Variants in SLC3A2 observed in about 807,000 individuals in gnomAD.
SLC3A2 encodes the protein amino acid transporter heavy chain SLC3A2.
SLC3A2 carries 32 observed loss-of-function variants against 48.5 expected under a neutral mutation model. The ratio of observed to expected loss-of-function variants is 0.66; its 90% confidence interval spans 0.50 to 0.89. The LOEUF is 0.89. SLC3A2 is among the 40% of genes least tolerant of loss of function. The pLI is 0.00. For missense variants in SLC3A2, 587 were observed against 680.7 expected (o/e 0.86, Z 1.53); for synonymous variants, 277 against 288.8 (o/e 0.96, Z 0.41).
At chr11:62,858,316 C>T (rs2085360623) in intron 1 of SLC3A2, among the ~76,000 whole-genome samples, 1 of 152,172 alleles carries the variant, frequency 6.6e-6, no homozygotes, top group Non-Finnish European at 1.5e-5. Context: ...ACAGCTCCAG[C>T]TGATTGTTGC....
At chr11:62,882,355 GT>G (rs1027230620) in intron 2 of SLC3A2, 6 of 328,748 alleles carry the variant, frequency 1.8e-5, no homozygotes, top group Admixed American at 1.5e-4. Flanking sequence ...AAAACAGTAG[GT>G]TTTTTTGGGG....
chr11:62,881,164 G>T lies in SLC3A2; in HGVS notation c.141G>T (p.Val47=), dbSNP rs151229224. 3.1e-6 allele frequency: 5 copies of T among 1,599,262 alleles called. No individual in the cohort carries two copies. In the African/African-American group the frequency reaches 6.7e-5, roughly 21 times the overall value. The change falls in exon 1 of 9, where the codon GTG becomes GTT. Residue 47 remains valine (V), a synonymous_variant. Coordinates refer to ENST00000338663, the MANE Select transcript of SLC3A2 (RefSeq NM_001013251.3). The surrounding 1 kb of genome is among the most constrained non-coding windows in gnomAD (Gnocchi z 4.0). The part of the protein sequence containing the change: ...AEKNGLVKIK[V]AEDEAEAAAA... ...AGAATGGTCTGGTGAAGATCAAGGTGGCGGAAGACGAGGCGGAGGCGGCAG... is the reference window on the plus strand; with the variant it reads ...AGAATGGTCTGGTGAAGATCAAGGTTGCGGAAGACGAGGCGGAGGCGGCAG...
chr11:62,881,103 C>T lies in SLC3A2; in HGVS notation c.80C>T (p.Ala27Val), dbSNP rs142207962. ...CCCGAGAAGCAGCCGATGAACGCGG[C>T]GTCTGGGGCGGCCATGTCCCTGGCG... The part of the protein sequence containing the change: ...LEPEKQPMNA[A>V]SGAAMSLAGA... Residue 27 changes from alanine (A) to valine (V), a missense_variant, in exon 1 of 9, where the codon GCG becomes GTG. By Grantham distance (64) the Ala-to-Val change is moderately conservative (BLOSUM62 0). Coordinates refer to ENST00000338663, the MANE Select transcript of SLC3A2 (RefSeq NM_001013251.3). The surrounding 1 kb of genome is among the most constrained non-coding windows in gnomAD (Gnocchi z 4.0). 3 of 1,608,398 alleles carry T rather than the reference C, an allele frequency of 1.9e-6. No individual in the cohort carries two copies. In the African/African-American group the frequency reaches 4.0e-5, roughly 21 times the overall value.
intron 1 of SLC3A2, among the ~76,000 whole-genome samples, chr11:62,868,247 C>G (rs2085473926): frequency 6.6e-6 from 1 of 151,292 alleles, no homozygotes; most frequent in Non-Finnish European, 1.5e-5. Context: ...CAAATTTTTA[C>G]TACTATAACC....
rs566824421 is a variant in SLC3A2 at position 62,875,082 on chromosome 11, A to G, written c.113-5937A>G. ...TGGCCTCATTTTTCAAATGGCTAAA[A>G]TCTTCAAGATTTCTGGCTGATTGGT... On this transcript the variant is annotated intron_variant, in intron 1 of 9. Transcript: ENST00000377889. 2.7e-3 allele frequency among the ~76,000 whole-genome samples: 407 copies of G among 152,240 alleles called. 3 individuals are homozygous for G. Among genetic ancestry groups the G allele is most frequent in the African/African-American group, 8.5e-3 (352 of 41,560 alleles).
At chr11:62,857,543 A>C (rs1324151353) in intron 1 of SLC3A2, among the ~76,000 whole-genome samples, 1 of 152,000 alleles carries the variant, frequency 6.6e-6, no homozygotes, top group African/African-American at 2.4e-5. Context: ...AGAAAAAATT[A>C]GCCAGGAGCG....
chr11:62,862,333 C>CAAAA lies in SLC3A2; in HGVS notation c.112+5973_112+5976dup, dbSNP rs71065311. 2.2e-3 allele frequency among the ~76,000 whole-genome samples: 125 copies of CAAAA among 55,832 alleles called. 7 individuals carry two copies. Among genetic ancestry groups the CAAAA allele is most frequent in the African/African-American group, 7.2e-3 (85 of 11,726 alleles). The allele number at this position is 55,832 out of a possible 152,430, so 36.6% of individuals were successfully genotyped here. On this transcript the variant is annotated intron_variant, in intron 1 of 9. Transcript: ENST00000377889. ...TGGGCGACAGAGTGAGACTCTGTCT[C>CAAAA]AAAAAAAAAAAAAAAAAAAAAAAAG... is the stretch of plus-strand genomic sequence containing the variant.
intron 5 of SLC3A2, among the ~76,000 whole-genome samples, 197 bp downstream of exon 5, chr11:62,884,887 G>A (rs1488070899): frequency 1.6e-5 from 2 of 128,782 alleles, no homozygotes; most frequent in African/African-American, 3.0e-5. Flanking sequence ...GCTGGGGTGC[G>A]ATGGCGTGAT....
chr11:62,863,211 A>AT (rs2085420535), intron 1 of SLC3A2, among the ~76,000 whole-genome samples: 2 of 151,528 alleles, frequency 1.3e-5, no homozygotes, highest in Non-Finnish European at 2.9e-5. Context: ...GTGAGCCACC[A>AT]CTCTGGGCCT....
chr11:62,860,434 C>T (rs189334779), intron 1 of SLC3A2, among the ~76,000 whole-genome samples: 9 of 148,536 alleles, frequency 6.1e-5, no homozygotes, highest in African/African-American at 1.7e-4. Flanking sequence ...GAAACCTGGG[C>T]GACAAGGCGA....
intron 1 of SLC3A2, among the ~76,000 whole-genome samples, chr11:62,856,547 A>G (rs1006943773): frequency 6.6e-6 from 1 of 152,170 alleles, no homozygotes; most frequent in South Asian, 2.1e-4. Context: ...TTGGACTACT[A>G]CGGGCCAACA....
At chr11:62,859,603 G>A (rs1377194627) in intron 1 of SLC3A2, among the ~76,000 whole-genome samples, 5 of 152,186 alleles carry the variant, frequency 3.3e-5, no homozygotes, top group Non-Finnish European at 7.3e-5. Context: ...TGAGGCAGGA[G>A]AAGTGGTTGA....
At chr11:62,885,907 T>C (rs2085707623) in intron 7 of SLC3A2, among the ~76,000 whole-genome samples, 1 of 152,230 alleles carries the variant, frequency 6.6e-6, no homozygotes, top group African/African-American at 2.4e-5. Context: ...TATTCATTCC[T>C]TTATTCTTTG....
At chr11:62,859,651 C>T (rs1215989686) in intron 1 of SLC3A2, among the ~76,000 whole-genome samples, 3 of 152,074 alleles carry the variant, frequency 2.0e-5, no homozygotes, top group Non-Finnish European at 2.9e-5. Context: ...CAAGATCACC[C>T]CACTGCACTC....
chr11:62,883,412 ACT>A (rs1270200187), intron 3 of SLC3A2: 2 of 196,466 alleles, frequency 1.0e-5, no homozygotes, highest in Admixed American at 5.3e-5. Context: ...TGTGTCTGGG[ACT>A]CTATGCCAAG....
chr11:62,874,136 G>C (rs2085547248), intron 1 of SLC3A2, among the ~76,000 whole-genome samples: 1 of 151,796 alleles, frequency 6.6e-6, no homozygotes. Flanking sequence ...CAAAGTTTTG[G>C]AGGGCCAGGG....
At chr11:62,882,779 C>T in intron 2 of SLC3A2, 129 bp from the exon 3 acceptor site, 4 of 776,250 alleles carry the variant, frequency 5.2e-6, no homozygotes, top group Non-Finnish European at 8.7e-6. Context: ...TGAATTTTGC[C>T]CGGGTTCAAA....
intron 1 of SLC3A2, among the ~76,000 whole-genome samples, chr11:62,873,640 T>C (rs2085540585): frequency 1.3e-5 from 2 of 152,012 alleles, no homozygotes; most frequent in Admixed American, 6.6e-5. Flanking sequence ...CTAATTAAAA[T>C]CAAACTTTTT....
intron 1 of SLC3A2, among the ~76,000 whole-genome samples, chr11:62,861,830 G>A (rs1179033528): frequency 6.7e-6 from 1 of 150,364 alleles, no homozygotes; most frequent in Non-Finnish European, 1.5e-5. Flanking sequence ...CAGGAGAGTC[G>A]CTTGAGAAAG....
Sources: gnomAD v4.1 joint callset for allele counts (sites outside exome capture counted in the v4.1 genomes callset) on GRCh38, gnomAD v4.1.1 for gene constraint, Gnocchi (gnomAD v3.1) non-coding constraint, MANE v1.5 for transcripts, NCBI Gene and HGNC (gene_info 2026-07-23, HGNC 2026-07-21) for gene names.